The following CSNK1G3 variants were observed in gnomAD, a reference collection of about 807,000 sequenced individuals.
The protein encoded by CSNK1G3 is casein kinase 1 gamma 3.
In CSNK1G3, 23 loss-of-function variants were observed where a neutral mutation model predicts 64.3. That is an observed-to-expected ratio of 0.36 (90% CI 0.26 to 0.51). The LOEUF (loss-of-function observed/expected upper bound fraction) is 0.51, where lower values mean the gene tolerates loss of function less well. CSNK1G3 is among the 20% of genes least tolerant of loss of function. CSNK1G3 has a pLI of 0.96. For synonymous variants in CSNK1G3, 158 were observed against 162.2 expected (o/e 0.97, Z 0.20); for missense variants, 357 against 510.5 (o/e 0.70, Z 2.90).
At chr5:123,546,463 G>T (rs1284000227) in intron 2 of CSNK1G3, among the ~76,000 whole-genome samples, 1 of 151,828 alleles carries the variant, frequency 6.6e-6, no homozygotes, top group East Asian at 1.9e-4. Context: ...ACTCAGTGAG[G>T]GAAAATGAAT....
At chr5:123,526,438 T>G (rs1016832978) in intron 1 of CSNK1G3, among the ~76,000 whole-genome samples, 5 of 152,060 alleles carry the variant, frequency 3.3e-5, no homozygotes, top group Non-Finnish European at 5.9e-5. Flanking sequence ...AAGGAAATAT[T>G]CTCTTTTTTT....
At chr5:123,564,122 A>G (rs1462333010) in intron 4 of CSNK1G3, among the ~76,000 whole-genome samples, 5 of 152,084 alleles carry the variant, frequency 3.3e-5, no homozygotes, top group African/African-American at 9.7e-5. Flanking sequence ...ATATACTTAC[A>G]TTGTTACTAC....
chr5:123,595,480 A>G (rs1793254814), intron 10 of CSNK1G3, among the ~76,000 whole-genome samples: 1 of 152,124 alleles, frequency 6.6e-6, no homozygotes, highest in African/African-American at 2.4e-5. Context: ...AAATTAATAG[A>G]ACATTTTTGT....
intron 4 of CSNK1G3, among the ~76,000 whole-genome samples, chr5:123,558,994 T>C (rs1181981327): frequency 6.6e-6 from 1 of 152,194 alleles, no homozygotes; most frequent in African/African-American, 2.4e-5. Context: ...TTGGCCCTTC[T>C]TAAGAGATTC....
At chr5:123,579,426 A>G (rs937240569) in intron 6 of CSNK1G3, among the ~76,000 whole-genome samples, 5 of 151,814 alleles carry the variant, frequency 3.3e-5, no homozygotes, top group Non-Finnish European at 5.9e-5. Context: ...ATGATTGGGT[A>G]GCTATACAAC....
chr5:123,522,218 A>C (rs552726466), intron 1 of CSNK1G3, among the ~76,000 whole-genome samples: 2 of 152,264 alleles, frequency 1.3e-5, no homozygotes, highest in African/African-American at 4.8e-5. Flanking sequence ...ATGGCTATCA[A>C]AATCCAAGGA....
intron 6 of CSNK1G3, among the ~76,000 whole-genome samples, chr5:123,579,289 CTG>C (rs1425964352): frequency 2.2e-5 from 1 of 44,680 alleles, no homozygotes; most frequent in African/African-American, 1.0e-4. Context: ...TGTAAATTTG[CTG>C]TTTTTTTTTT....
chr5:123,544,090 G>T (rs539321645), intron 1 of CSNK1G3, among the ~76,000 whole-genome samples: 31 of 152,048 alleles, frequency 2.0e-4, no homozygotes, highest in African/African-American at 6.3e-4. Flanking sequence ...CTTCCTATAC[G>T]CAACTTATCA....
intron 10 of CSNK1G3, among the ~76,000 whole-genome samples, chr5:123,601,630 G>A (rs562214611): frequency 1.3e-5 from 2 of 152,262 alleles, no homozygotes; most frequent in East Asian, 3.9e-4. Context: ...TAATTACAGT[G>A]TATATATAGT....
exon 5 of CSNK1G3, chr5:123,573,420 G>T: frequency 6.2e-7 from 1 of 1,613,896 alleles, no homozygotes; most frequent in African/African-American, 1.3e-5. Flanking sequence ...TACTATTTCG[G>T]CCCTTGTGGT....
At chr5:123,598,644 C>T (rs1019908684) in intron 10 of CSNK1G3, among the ~76,000 whole-genome samples, 1 of 152,012 alleles carries the variant, frequency 6.6e-6, no homozygotes, top group African/African-American at 2.4e-5. Flanking sequence ...CTGATTTAGT[C>T]AAGCTGGTGT....
At chr5:123,612,013 G>C (rs148995486) in intron 12 of CSNK1G3, among the ~76,000 whole-genome samples, 1,816 of 152,238 alleles carry the variant, frequency 0.012, 15 homozygotes, top group Non-Finnish European at 0.018. Context: ...TTTAAATCCA[G>C]ATCAAATCTC....
chr5:123,588,626 A>C (rs1014293846), intron 8 of CSNK1G3, 115 bp downstream of exon 8: 3 of 732,238 alleles, frequency 4.1e-6, no homozygotes, highest in Non-Finnish European at 6.8e-6. Flanking sequence ...AGCTAAAAAT[A>C]TGATTTAAAG....
rs1776371690 is a variant in CSNK1G3 at position 123,512,578 on chromosome 5, C to A, written c.-248+8C>A. 6.6e-6 allele frequency: 1 copy of A among 151,136 alleles called. No individual in the cohort carries two copies. The highest frequency in any genetic ancestry group is 6.6e-5 in the Admixed American group (1 of 15,152). 9.4% of individuals were successfully genotyped at this position (151,136 alleles called of 1,614,324 possible). On this transcript the variant is annotated splice_region_variant and intron_variant, in intron 1 of 12. Coordinates refer to ENST00000345990, the Ensembl canonical transcript of CSNK1G3. ...CGCGGCCGCGCCTTTGAGGTAAAGC[C>A]CCCTGCGCGTAGGTGCTCCGCTGCC...
At chr5:123,545,907 G>GA in intron 2 of CSNK1G3, 66 bp downstream of exon 2, 1 of 1,272,286 alleles carries the variant, frequency 7.9e-7, no homozygotes, top group Non-Finnish European at 1.1e-6. Context: ...ACTTTTTAAT[G>GA]AAAATGATTT....
intron 4 of CSNK1G3, among the ~76,000 whole-genome samples, chr5:123,569,780 T>G (rs1402052203): frequency 7.6e-6 from 1 of 131,350 alleles, no homozygotes; most frequent in African/African-American, 3.2e-5. Flanking sequence ...TTCGTTGTAC[T>G]CTTGAATAGA....
chr5:123,543,918 A>G (rs1257239505), intron 1 of CSNK1G3, among the ~76,000 whole-genome samples: 1 of 152,164 alleles, frequency 6.6e-6, no homozygotes, highest in Non-Finnish European at 1.5e-5. Context: ...GTTAGGACTA[A>G]TGGTGGAATC....
chr5:123,609,865 A>G (rs1419965309), intron 12 of CSNK1G3, among the ~76,000 whole-genome samples: 1 of 151,604 alleles, frequency 6.6e-6, no homozygotes, highest in Non-Finnish European at 1.5e-5. Flanking sequence ...TTAATGCTTT[A>G]GTCAATGGAG....
intron 1 of CSNK1G3, among the ~76,000 whole-genome samples, chr5:123,521,839 A>G (rs1778160455): frequency 1.3e-5 from 2 of 152,018 alleles, no homozygotes; most frequent in African/African-American, 2.4e-5. Context: ...CCGAGTTCAT[A>G]TTACAGTTTT....
Sources: gnomAD v4.1 joint callset for allele counts (sites outside exome capture counted in the v4.1 genomes callset) on GRCh38, gnomAD v4.1.1 for gene constraint, MANE v1.5 for transcripts, NCBI Gene and HGNC (gene_info 2026-07-23, HGNC 2026-07-21) for gene names.